DNAI7: variants seen among roughly 807,000 people sequenced by gnomAD.
The protein encoded by DNAI7 is dynein axonemal intermediate chain 7, also known as cancer susceptibility 1.
In DNAI7, 78 loss-of-function variants were observed where a neutral mutation model predicts 86.6. The observed-to-expected ratio is 0.90, with a 90% CI of 0.75 to 1.09. DNAI7 has a LOEUF of 1.09. DNAI7 is among the 50% of genes least tolerant of loss of function. The pLI is 0.00. For synonymous variants in DNAI7, 274 were observed against 273.0 expected (o/e 1.00, Z -0.04); for missense variants, 753 against 810.2 (o/e 0.93, Z 0.86).
At chr12:25,168,589 T>C (rs931292377) in intron 2 of DNAI7, among the ~76,000 whole-genome samples, 2 of 152,188 alleles carry the variant, frequency 1.3e-5, no homozygotes, top group African/African-American at 4.8e-5. Flanking sequence ...AGGCCTTGAC[T>C]TACTCACTGC....
intron 1 of DNAI7, among the ~76,000 whole-genome samples, chr12:25,194,537 C>A (rs987882790): frequency 3.9e-5 from 6 of 152,192 alleles, no homozygotes; most frequent in African/African-American, 1.4e-4. Context: ...TGTCTCCTTG[C>A]TGAAAACATG....
At chr12:25,149,544 C>T in intron 7 of DNAI7, 84 bp downstream of exon 7, 1 of 1,013,348 alleles carries the variant, frequency 9.9e-7, no homozygotes. Flanking sequence ...CTTCATTTTT[C>T]AATTTAAAAA....
chr12:25,121,470 A>G (rs773825949), intron 11 of DNAI7, among the ~76,000 whole-genome samples: 13 of 152,244 alleles, frequency 8.5e-5, no homozygotes, highest in Non-Finnish European at 1.6e-4. Flanking sequence ...CCTCTGATCT[A>G]GAATATTATT....
chr12:25,146,056 C>G (rs1358877475), intron 8 of DNAI7, among the ~76,000 whole-genome samples: 1 of 151,446 alleles, frequency 6.6e-6, no homozygotes, highest in Non-Finnish European at 1.5e-5. Flanking sequence ...AACCACGTCT[C>G]TACTAAAAAT....
intron 2 of DNAI7, among the ~76,000 whole-genome samples, chr12:25,170,386 G>A (rs1411217959): frequency 2.1e-5 from 3 of 146,160 alleles, no homozygotes; most frequent in African/African-American, 5.1e-5. Context: ...GCGAGACTCC[G>A]TCTCAAAAAA....
intron 13 of DNAI7, among the ~76,000 whole-genome samples, chr12:25,113,285 T>C (rs775357837): frequency 4.0e-5 from 3 of 75,358 alleles, no homozygotes; most frequent in East Asian, 2.5e-4. Flanking sequence ...GTTGCTGTTG[T>C]TGTTGTTGTT....
chr12:25,161,527 G>A (rs1243764241), intron 2 of DNAI7, among the ~76,000 whole-genome samples: 1 of 152,118 alleles, frequency 6.6e-6, no homozygotes, highest in East Asian at 1.9e-4. Flanking sequence ...AGAGAATAAA[G>A]TAAAACATAT....
At chr12:25,168,115 C>T (rs763576712) in intron 2 of DNAI7, among the ~76,000 whole-genome samples, 5 of 152,200 alleles carry the variant, frequency 3.3e-5, no homozygotes, top group African/African-American at 4.8e-5. Context: ...TGACGGCTGC[C>T]GCCCTAGCTG....
intron 6 of DNAI7, 48 bp downstream of exon 6, chr12:25,154,271 C>CA: frequency 6.8e-7 from 1 of 1,473,074 alleles, no homozygotes; most frequent in Non-Finnish European, 9.1e-7. Flanking sequence ...GAGTTAATAT[C>CA]AGACTATTTG....
chr12:25,123,004 C>A (rs1565651453), intron 10 of DNAI7, among the ~76,000 whole-genome samples: 2 of 151,816 alleles, frequency 1.3e-5, no homozygotes, highest in African/African-American at 4.8e-5. Context: ...TAATATAATC[C>A]CATGGTTTTA....
chr12:25,135,025 T>C (rs1339932445), intron 9 of DNAI7, among the ~76,000 whole-genome samples: 1 of 152,102 alleles, frequency 6.6e-6, no homozygotes, highest in Non-Finnish European at 1.5e-5. Flanking sequence ...GTATGGAGAC[T>C]CACATCATGA....
chr12:25,137,934 CAAT>C, intron 9 of DNAI7, among the ~76,000 whole-genome samples: 1 of 151,030 alleles, frequency 6.6e-6, no homozygotes, highest in Middle Eastern at 3.4e-3. Flanking sequence ...GATGGCAACA[CAAT>C]AATAGTGTGG....
chr12:25,107,311 A>G (rs1001949798), downstream of DNAI7, among the ~76,000 whole-genome samples: 14 of 152,152 alleles, frequency 9.2e-5, no homozygotes, highest in African/African-American at 3.1e-4. Context: ...TACTATGCCT[A>G]ATTTATAAAT....
At chr12:25,152,572 A>G (rs887757451) in intron 6 of DNAI7, among the ~76,000 whole-genome samples, 2 of 152,210 alleles carry the variant, frequency 1.3e-5, no homozygotes, top group Admixed American at 6.5e-5. Context: ...AATATCCTTT[A>G]TAATAAACCA....
chr12:25,111,261 C>A (rs1167502093), intron 14 of DNAI7, among the ~76,000 whole-genome samples: 1 of 152,130 alleles, frequency 6.6e-6, no homozygotes, highest in East Asian at 1.9e-4. Context: ...TAAGAAATGA[C>A]CCCCATCCTC....
chr12:25,176,619 A>G (rs192680125), intron 2 of DNAI7, among the ~76,000 whole-genome samples: 1 of 152,100 alleles, frequency 6.6e-6, no homozygotes, highest in African/African-American at 2.4e-5. Flanking sequence ...TTAAAAATCA[A>G]TCAGAATAGG....
chr12:25,120,337 A>AGAGAGAGAGAGAGAGAGAGAGAGAGC, intron 11 of DNAI7, among the ~76,000 whole-genome samples: 1 of 149,182 alleles, frequency 6.7e-6, no homozygotes. Context: ...AGAGAGAGAG[A>AGAGAGAGAGAGAGAGAGAGAGAGAGC]GAGAGGAAGG....
intron 1 of DNAI7, 115 bp from the exon 2 acceptor site, chr12:25,190,746 ACT>A (rs1950444396): frequency 4.2e-6 from 2 of 473,182 alleles, no homozygotes; most frequent in South Asian, 5.7e-5. Context: ...GCATAAGGGA[ACT>A]CTCTGTACCA....
chr12:25,121,118 C>A (rs1941226673), intron 11 of DNAI7, among the ~76,000 whole-genome samples: 1 of 152,186 alleles, frequency 6.6e-6, no homozygotes, highest in Non-Finnish European at 1.5e-5. Context: ...TTGAGCCTTA[C>A]CTCCAGGGTT....
Sources: allele counts gnomAD v4.1 joint callset (sites outside exome capture counted in the v4.1 genomes callset), GRCh38; gene constraint gnomAD v4.1.1; transcripts MANE v1.5; gene names NCBI Gene and HGNC (gene_info 2026-07-23, HGNC 2026-07-21).